PLK3: variants seen among roughly 807,000 people sequenced by gnomAD.
PLK3 encodes the protein serine/threonine-protein kinase PLK3.
In PLK3, 41 loss-of-function variants were observed where a neutral mutation model predicts 71.6. The observed-to-expected ratio is 0.57, with a 90% CI of 0.45 to 0.74. The LOEUF is 0.74. Ranked by LOEUF, PLK3 falls within the 30% of genes least tolerant of loss-of-function variation. PLK3 has a pLI of 0.00. For synonymous variants in PLK3, 366 were observed against 355.4 expected (o/e 1.03, Z -0.33); for missense variants, 791 against 875.6 (o/e 0.90, Z 1.22).
Position 44,804,450 on chromosome 1 carries a change from T to A in PLK3, c.1454T>A (p.Val485Glu), listed in dbSNP as rs758598522. The change falls in exon 12 of 15, where the codon GTG becomes GAG. Residue 485 changes from valine to glutamate, a missense_variant. By Grantham distance (121) the Val-to-Glu change is moderately radical. Coordinates refer to ENST00000372201, the MANE Select transcript of PLK3 (RefSeq NM_004073.4). ...GFGYQLSSRR[V>E]AVLFNDGTHM... Reference sequence around the variant, plus strand: ...GGGTATCAACTGTCCAGCCGCCGTGTGGCTGTGCTCTTCAACGATGGCACA... The same window carrying A: ...GGGTATCAACTGTCCAGCCGCCGTGAGGCTGTGCTCTTCAACGATGGCACA... The A allele has an allele frequency of 1.9e-6, 3 of 1,614,196 alleles. No homozygotes were observed. Among genetic ancestry groups the A allele is most frequent in the Non-Finnish European group, 2.5e-6 (3 of 1,180,008 alleles).
At chr1:44,802,517 G>C (rs1205904862) in intron 5 of PLK3, among the ~76,000 whole-genome samples, 1 of 152,140 alleles carries the variant, frequency 6.6e-6, no homozygotes, top group Non-Finnish European at 1.5e-5. Context: ...GTTGACCCTA[G>C]AGGAGAGGAC....
In PLK3 at chr1:44,800,506, C is replaced by A; in HGVS notation, c.43C>A (p.Arg15Ser). ...TTTCCTGTCTCCGCGCCCCTTCCAGCGTGCGGCCGCCGCGCCCGCTCCCCC... is the reference window on the plus strand; with the variant it reads ...TTTCCTGTCTCCGCGCCCCTTCCAGAGTGCGGCCGCCGCGCCCGCTCCCCC... ...AGFLSPRPFQ[R>S]AAAAPAPPAG... The change falls in exon 1 of 15, where the codon CGT (arginine) becomes AGT (serine). Residue 15 changes from arginine (R) to serine (S), a missense_variant. By Grantham distance (110) the Arg-to-Ser change is moderately radical. Transcript: ENST00000372201. The surrounding 1 kb of genome is among the most constrained non-coding windows in gnomAD (Gnocchi z 6.5). 3 of 1,448,956 alleles carry A rather than the reference C, an allele frequency of 2.1e-6. No homozygotes were observed. Among genetic ancestry groups the A allele is most frequent in the Non-Finnish European group, 2.7e-6 (3 of 1,108,128 alleles). 89.8% of individuals were successfully genotyped at this position (1,448,956 alleles called of 1,614,324 possible).
In PLK3 at chr1:44,803,928, C is replaced by T; in HGVS notation, c.1165-3C>T. 1.3e-6 allele frequency: 2 copies of T among 1,548,088 alleles called. No homozygotes were observed. The highest frequency in any genetic ancestry group is 1.7e-6 in the Non-Finnish European group (2 of 1,144,220). ...CACTCCCTTTCCCTGCCCAACCCTC[C>T]AGGCTCCAGCAGCTTCTGGCCCAGC... On this transcript the variant is annotated splice_region_variant and splice_polypyrimidine_tract_variant and intron_variant, in intron 9 of 14. Coordinates refer to ENST00000372201, the MANE Select transcript of PLK3 (RefSeq NM_004073.4). This position sits in a 1 kb window ranked among gnomAD's most constrained non-coding sequence, Gnocchi z 4.3.
rs749205736 is a variant in PLK3 at position 44,804,685 on chromosome 1, TCTC to T, written c.1544_1546del (p.Ser515del). ...TACAATCCCACCAGCACAAAGCACT[TCTC>T]CTTCTCCGTGGGTGCTGTGCCCCGG... On this transcript the variant is annotated inframe_deletion, in exon 13 of 15. Coordinates refer to ENST00000372201, the MANE Select transcript of PLK3 (RefSeq NM_004073.4). 6 of 1,613,980 alleles carry T rather than the reference TCTC, an allele frequency of 3.7e-6. No individual in the cohort carries two copies. The highest frequency in any genetic ancestry group is 1.6e-4 in the Middle Eastern group (1 of 6,062).
rs1187328825 is a variant in PLK3 at position 44,801,655 on chromosome 1, C to G, written c.469C>G (p.Leu157Val). 1.2e-6 allele frequency: 2 copies of G among 1,613,692 alleles called. No individual in the cohort carries two copies. The highest frequency in any genetic ancestry group is 1.7e-6 in the Non-Finnish European group (2 of 1,179,958). The change falls in exon 4 of 15, where the codon CTG becomes GTG. Residue 157 changes from leucine (L) to valine (V), a missense_variant. Coordinates refer to ENST00000372201, the MANE Select transcript of PLK3 (RefSeq NM_004073.4). ...LAHIWKARHT[L>V]LEPEVRYYLR... ...CCACATCTGGAAGGCCCGGCACACC[C>G]TGTTGGAGCCAGAAGTGCGCTACTA... is the stretch of plus-strand genomic sequence containing the variant.
intron 13 of PLK3, 67 bp from the exon 14 acceptor site, chr1:44,805,199 G>C: frequency 9.9e-7 from 1 of 1,010,524 alleles, no homozygotes; most frequent in Non-Finnish European, 1.6e-6. Context: ...TAGAGGATAA[G>C]GCATACACTA....
Position 44,800,452 on chromosome 1 carries a change from C to T in PLK3, c.-12C>T, listed in dbSNP as rs1651787570. The T allele has an allele frequency of 7.4e-7, 1 of 1,348,344 alleles. No individual in the cohort carries two copies. Among genetic ancestry groups the T allele is most frequent in the Non-Finnish European group, 9.5e-7 (1 of 1,056,884 alleles). The allele number at this position is 1,348,344 out of a possible 1,614,324, so 83.5% of individuals were successfully genotyped here. On this transcript the variant is annotated 5_prime_UTR_variant, in exon 1 of 15. The change creates a new upstream start codon in the 5' untranslated region. Coordinates refer to ENST00000372201, the MANE Select transcript of PLK3 (RefSeq NM_004073.4). This position sits in a 1 kb window ranked among gnomAD's most constrained non-coding sequence, Gnocchi z 6.5. ...CCGAGAAGCCGGGACCGCGCTGCGA[C>T]GCGCCGGCCGCATGGAGCCTGCCGC...
chr1:44,803,227 C>T lies in PLK3; in HGVS notation c.949-41C>T. On this transcript the variant is annotated intron_variant, in intron 7 of 14. Transcript: ENST00000372201. The surrounding 1 kb of genome is among the most constrained non-coding windows in gnomAD (Gnocchi z 4.3). ...TGAAAGGGGGCAGGTGACAGGACCC[C>T]TGGAGCCTCTCTTCTCTGTTCACAT... 6.2e-7 allele frequency: 1 copy of T among 1,612,432 alleles called. No individual in the cohort carries two copies. Among genetic ancestry groups the T allele is most frequent in the Non-Finnish European group, 8.5e-7 (1 of 1,178,672 alleles).
Position 44,803,297 on chromosome 1 carries a change from C to T in PLK3, c.978C>T (p.Ser326=), listed in dbSNP as rs942073892. 4.3e-6 allele frequency: 7 copies of T among 1,614,170 alleles called. No individual in the cohort carries two copies. The highest frequency in any genetic ancestry group is 1.3e-5 in the African/African-American group (1 of 75,060). ...ACACCCCCGATCGACTCCCTATCAG[C>T]AGCTGCGTGACAGTCCCAGACCTGA... ...KGYTPDRLPI[S]SCVTVPDLTP... is the part of the protein sequence containing the mutation. Residue 326 remains serine (S), a synonymous_variant, in exon 8 of 15, where the codon AGC becomes AGT. Transcript: ENST00000372201. The surrounding 1 kb of genome is among the most constrained non-coding windows in gnomAD (Gnocchi z 4.3).
In PLK3 at chr1:44,804,729, C is replaced by T. The variant is rs760663194; in HGVS notation, c.1585C>T (p.Leu529=). Residue 529 remains leucine, a synonymous_variant, in exon 13 of 15, where the codon CTG becomes TTG. Coordinates refer to ENST00000372201, the MANE Select transcript of PLK3 (RefSeq NM_004073.4). ...TGTGCCCCGGGCCCTGCAGCCTCAG[C>T]TGGGTATCCTGCGGTACTTCGCCTC... ...GAVPRALQPQ[L]GILRYFASYM... is the part of the protein sequence containing the mutation. The T allele has an allele frequency of 6.2e-7, 1 of 1,614,104 alleles. No homozygotes were observed. The highest frequency in any genetic ancestry group is 8.5e-7 in the Non-Finnish European group (1 of 1,179,946).
Position 44,805,499 on chromosome 1 carries a change from G to A in PLK3, c.1762G>A (p.Gly588Arg). ...GCTCTGTGTGCAGGTGAACTTCTAC[G>A]GGGACCACACCAAGCTGATTCTCAG... ...SDGTVQVNFYGDHTKLILSGW... is the reference protein window; with the variant it reads ...SDGTVQVNFYRDHTKLILSGW... The change falls in exon 15 of 15, where the codon GGG becomes AGG. Residue 588 changes from glycine (G) to arginine (R), a missense_variant. Transcript: ENST00000372201. The A allele has an allele frequency of 1.2e-6, 2 of 1,614,120 alleles. No homozygotes were observed. Among genetic ancestry groups the A allele is most frequent in the Non-Finnish European group, 1.7e-6 (2 of 1,179,972 alleles).
At position 44,804,210 on chromosome 1, in the gene PLK3, T is replaced by G. The variant is rs778808681; in HGVS notation, c.1306T>G (p.Cys436Gly). The change falls in exon 11 of 15, where the codon TGT becomes GGT. Residue 436 changes from cysteine (C) to glycine (G), a missense_variant. Cys to Gly is a radical substitution (Grantham distance 159). Coordinates refer to ENST00000372201, the MANE Select transcript of PLK3 (RefSeq NM_004073.4). ...GGCCACAGTAGTGGAGTCAGCCCTT[T>G]GTGCTCTGAGAAATTGTATAGCCTT... Reference protein sequence around the residue: ...TVATVVESALCALRNCIAFMP... With the variant: ...TVATVVESALGALRNCIAFMP... The G allele has an allele frequency of 1.2e-6, 2 of 1,614,012 alleles. No homozygotes were observed. The highest frequency in any genetic ancestry group is 2.2e-5 in the South Asian group (2 of 91,086).
rs1651802841 is a variant in PLK3, at chr1:44,800,829, C to T, written c.211-11C>T. 1.2e-6 allele frequency: 2 copies of T among 1,605,040 alleles called. No homozygotes were observed. The highest frequency in any genetic ancestry group is 1.7e-6 in the Non-Finnish European group (2 of 1,177,058). ...CCCTGGAACAACCAGCCTGATGCCC[C>T]CTCTTCACAGGGGGGCTTCGCCCGC... On this transcript the variant is annotated splice_polypyrimidine_tract_variant and intron_variant, in intron 1 of 14. Transcript: ENST00000372201. The surrounding 1 kb of genome is among the most constrained non-coding windows in gnomAD (Gnocchi z 6.5).
chr1:44,800,551 C>T lies in PLK3; in HGVS notation c.88C>T (p.Pro30Ser), dbSNP rs1651792161. The T allele has an allele frequency of 1.3e-6, 2 of 1,497,752 alleles. 1 individual carries two copies. Among genetic ancestry groups the T allele is most frequent in the Middle Eastern group, 4.5e-4 (2 of 4,406 alleles). The allele number at this position is 1,497,752 out of a possible 1,614,324, so 92.8% of individuals were successfully genotyped here. A position where few individuals can be genotyped will look rare whatever the true frequency, so the allele number is the denominator to read the frequency against. The change falls in exon 1 of 15, where the codon CCG (proline) becomes TCG (serine). Residue 30 changes from proline (P) to serine (S), a missense_variant. Physicochemically the swap from Pro to Ser is moderately conservative, Grantham distance 74. Coordinates refer to ENST00000372201, the MANE Select transcript of PLK3 (RefSeq NM_004073.4). The surrounding 1 kb of genome is among the most constrained non-coding windows in gnomAD (Gnocchi z 6.5). The stretch of plus-strand genomic sequence containing the variant: ...TCCCCCGGCCGGGCCCGGGCCGCCT[C>T]CGAGTGCCTTGCGCGGACCTGAGCT... ...PAPPAGPGPP[P>S]SALRGPELEM...
At position 44,804,797 on chromosome 1, in the gene PLK3, G is replaced by A. The variant is rs376810502; in HGVS notation, c.1635+18G>A. On this transcript the variant is annotated intron_variant, in intron 13 of 14. Coordinates refer to ENST00000372201, the MANE Select transcript of PLK3 (RefSeq NM_004073.4). Reference sequence around the variant, plus strand: ...TCATGAAGGTGTGAGGGCTGGGGCTGTGGTACATTGAAACCTAACCCATCC... The same window carrying A: ...TCATGAAGGTGTGAGGGCTGGGGCTATGGTACATTGAAACCTAACCCATCC... 2.5e-5 allele frequency: 40 copies of A among 1,612,356 alleles called. No homozygotes were observed. Among genetic ancestry groups the A allele is most frequent in the Non-Finnish European group, 3.1e-5 (36 of 1,178,992 alleles).
intron 3 of PLK3, 117 bp downstream of exon 3, chr1:44,801,269 G>T (rs747083039): frequency 3.0e-6 from 2 of 670,176 alleles, no homozygotes; most frequent in Non-Finnish European, 5.0e-6. Context: ...GAGTGCAGTG[G>T]CGCGATCTCG....
In PLK3 at chr1:44,803,372, C is replaced by G; in HGVS notation, c.1053C>G (p.Leu351=). Residue 351 remains leucine, a synonymous_variant, in exon 8 of 15, where the codon CTC becomes CTG. Transcript: ENST00000372201. The surrounding 1 kb of genome is among the most constrained non-coding windows in gnomAD (Gnocchi z 4.3). ...RSLFAKVTKS[L]FGRKKKSKNH... ...TGTTTGCCAAAGTTACCAAGAGCCT[C>G]TTTGGCAGAAAGAAGAAGAGTGAGT... 6.2e-7 allele frequency: 1 copy of G among 1,614,086 alleles called. No homozygotes were observed. Among genetic ancestry groups the G allele is most frequent in the South Asian group, 1.1e-5 (1 of 91,084 alleles).
rs766745192 is a variant in PLK3, at chr1:44,803,230, G to A, written c.949-38G>A. On this transcript the variant is annotated intron_variant, in intron 7 of 14. Coordinates refer to ENST00000372201, the MANE Select transcript of PLK3 (RefSeq NM_004073.4). This position sits in a 1 kb window ranked among gnomAD's most constrained non-coding sequence, Gnocchi z 4.3. ...AAGGGGGCAGGTGACAGGACCCCTG[G>A]AGCCTCTCTTCTCTGTTCACATGGT... is the stretch of plus-strand genomic sequence containing the variant. The A allele has an allele frequency of 1.2e-6, 2 of 1,612,216 alleles. No individual in the cohort carries two copies. Among genetic ancestry groups the A allele is most frequent in the Non-Finnish European group, 8.5e-7 (1 of 1,178,644 alleles).
chr1:44,800,562 G>T lies in PLK3; in HGVS notation c.99G>T (p.Leu33Phe), dbSNP rs1317697242. 3 of 1,519,210 alleles carry T rather than the reference G, an allele frequency of 2.0e-6. No homozygotes were observed. Among genetic ancestry groups the T allele is most frequent in the South Asian group, 2.4e-5 (2 of 82,440 alleles). 94.1% of individuals were successfully genotyped at this position (1,519,210 alleles called of 1,614,324 possible). A position where few individuals can be genotyped will look rare whatever the true frequency, so the allele number is the denominator to read the frequency against. Residue 33 changes from leucine (L) to phenylalanine (F), a missense_variant, in exon 1 of 15, where the codon TTG becomes TTT. Transcript: ENST00000372201. The surrounding 1 kb of genome is among the most constrained non-coding windows in gnomAD (Gnocchi z 6.5). ...GGCCCGGGCCGCCTCCGAGTGCCTT[G>T]CGCGGACCTGAGCTGGAGATGCTGG... ...PAGPGPPPSA[L>F]RGPELEMLAG...
Sources: allele counts gnomAD v4.1 joint callset (sites outside exome capture counted in the v4.1 genomes callset), GRCh38; gene constraint gnomAD v4.1.1; non-coding constraint Gnocchi (gnomAD v3.1); transcripts MANE v1.5; gene names NCBI Gene and HGNC (gene_info 2026-07-23, HGNC 2026-07-21).